PIKFYVE: variants seen among roughly 807,000 people sequenced by gnomAD.
PIKFYVE encodes the protein 1-phosphatidylinositol 3-phosphate 5-kinase.
A neutral mutation model predicts 257.9 loss-of-function variants in PIKFYVE; 122 were observed. The ratio of observed to expected loss-of-function variants is 0.47; its 90% CI spans 0.41 to 0.55. The LOEUF is 0.55. PIKFYVE is among the 20% of genes least tolerant of loss of function. PIKFYVE has a pLI of 0.00. For missense variants in PIKFYVE, 2,160 were observed against 2,536.6 expected (o/e 0.85, Z 3.19); for synonymous variants, 892 against 868.9 (o/e 1.03, Z -0.47).
At chr2:208,269,444 T>A in intron 1 of PIKFYVE, 1 of 244,882 alleles carries the variant, frequency 4.1e-6, no homozygotes, top group Non-Finnish European at 8.6e-6. Flanking sequence ...CCTCCCAGGG[T>A]GGTGAGGACT....
Position 208,320,276 on chromosome 2 carries a change from A to G in PIKFYVE, c.2107A>G (p.Lys703Glu). 1 of 1,611,664 alleles carries G rather than the reference A, an allele frequency of 6.2e-7. No individual in the cohort carries two copies. The highest frequency in any genetic ancestry group is 1.7e-5 in the Admixed American group (1 of 59,898). The change falls in exon 17 of 42, where the codon AAA (lysine) becomes GAA (glutamate). Residue 703 changes from lysine (K) to glutamate (E), a missense_variant. Around this residue, in one of 12 missense-constraint regions of PIKFYVE, gnomAD observed 346 missense variants for 365.6 expected, o/e 0.95. Transcript: ENST00000264380. ...GATGAGTTCTTGTATTAAAAACCCCAAAATTCTTCTGTTGAAGTGTTCCAT... is the reference window on the plus strand; with the variant it reads ...GATGAGTTCTTGTATTAAAAACCCCGAAATTCTTCTGTTGAAGTGTTCCAT... ...KKMSSCIKNP[K>E]ILLLKCSIEY...
chr2:208,330,541 A>G lies in PIKFYVE; in HGVS notation c.3810A>G (p.Pro1270=), dbSNP rs750996698. 2 of 1,614,176 alleles carry G rather than the reference A, an allele frequency of 1.2e-6. No individual in the cohort carries two copies. Among genetic ancestry groups the G allele is most frequent in the South Asian group, 2.2e-5 (2 of 91,082 alleles). The part of the protein sequence containing the change: ...RYCFRPSYQC[P]SMFCDTPMVH... Reference sequence around the variant, plus strand: ...GTCAAAGGCCTTCTTATCAGTGTCCAAGCATGTTCTGTGATACCCCCATGG... The same window carrying G: ...GTCAAAGGCCTTCTTATCAGTGTCCGAGCATGTTCTGTGATACCCCCATGG... The change falls in exon 23 of 42, where the codon CCA becomes CCG. Residue 1270 remains proline (P), a synonymous_variant. Transcript: ENST00000264380.
intron 28 of PIKFYVE, 108 bp from the exon 29 acceptor site, chr2:208,338,400 G>T (rs1304340519): frequency 1.0e-4 from 92 of 880,608 alleles, no homozygotes; most frequent in Non-Finnish European, 1.6e-4. Flanking sequence ...TTTTTTAACG[G>T]TATAAATGGG....
Position 208,320,324 on chromosome 2 carries a change from A to C in PIKFYVE, c.2155A>C (p.Thr719Pro), listed in dbSNP as rs1696066260. The C allele has an allele frequency of 6.2e-7, 1 of 1,612,302 alleles. No individual in the cohort carries two copies. Among genetic ancestry groups the C allele is most frequent in the Non-Finnish European group, 8.5e-7 (1 of 1,178,802 alleles). Residue 719 changes from threonine to proline, a missense_variant, in exon 17 of 42, where the codon ACT becomes CCT. Thr to Pro is a conservative substitution (Grantham distance 38). Coordinates refer to ENST00000264380, the MANE Select transcript of PIKFYVE (RefSeq NM_015040.4). ...CSIEYLYREE[T>P]KFTCIDPIVL... ...CATTGAGTATCTCTACAGAGAAGAA[A>C]CTAAGTTTACTTGCATTGATCCTAT...
chr2:208,304,179 A>C lies in PIKFYVE; in HGVS notation c.1329A>C (p.Glu443Asp). ...YALYRPLQST[E>D]FSETPSPDSD... The stretch of plus-strand genomic sequence containing the variant: ...TGTCTTCATCCTTTCAGAGTACAGA[A>C]TTTTCTGAGACGCCTTCTCCCGACA... The change falls in exon 11 of 42, where the codon GAA becomes GAC. Residue 443 changes from glutamate to aspartate, a missense_variant. Around this residue, in one of 12 missense-constraint regions of PIKFYVE, gnomAD observed 90 missense variants for 110.6 expected, o/e 0.81. Coordinates refer to ENST00000264380, the MANE Select transcript of PIKFYVE (RefSeq NM_015040.4). 1 of 1,614,100 alleles carries C rather than the reference A, an allele frequency of 6.2e-7. No homozygotes were observed. Among genetic ancestry groups the C allele is most frequent in the South Asian group, 1.1e-5 (1 of 91,082 alleles).
chr2:208,344,406 A>G (rs536838928), intron 32 of PIKFYVE, among the ~76,000 whole-genome samples: 10 of 152,278 alleles, frequency 6.6e-5, no homozygotes, highest in African/African-American at 2.4e-4. Flanking sequence ...ATAAGATTCC[A>G]TATGATAACA....
At chr2:208,338,679 T>G (rs1698410300) in intron 29 of PIKFYVE, 111 bp downstream of exon 29, 1 of 997,520 alleles carries the variant, frequency 1.0e-6, no homozygotes, top group Non-Finnish European at 1.6e-6. Context: ...GTTCATAGAC[T>G]TCTTTTCCTT....
intron 32 of PIKFYVE, among the ~76,000 whole-genome samples, chr2:208,344,204 C>T (rs1699013105): frequency 6.6e-6 from 1 of 152,112 alleles, no homozygotes; most frequent in South Asian, 2.1e-4. Context: ...CACTGGAAGG[C>T]ATTACAGTTT....
chr2:208,345,915 A>G, intron 33 of PIKFYVE, 135 bp from the exon 34 acceptor site: 1 of 660,020 alleles, frequency 1.5e-6, no homozygotes, highest in Non-Finnish European at 2.7e-6. Flanking sequence ...TAAATTATGA[A>G]TCAGACTTTT....
chr2:208,294,123 C>T (rs1692666532), intron 7 of PIKFYVE, among the ~76,000 whole-genome samples: 5 of 152,092 alleles, frequency 3.3e-5, no homozygotes, highest in Admixed American at 3.3e-4. Flanking sequence ...TTTCTATTTG[C>T]TTTTCAGTTT....
Position 208,339,570 on chromosome 2 carries a change from A to C in PIKFYVE, c.4810+15A>C, listed in dbSNP as rs1356689922. The C allele has an allele frequency of 6.2e-7, 1 of 1,613,924 alleles. No individual in the cohort carries two copies. The highest frequency in any genetic ancestry group is 1.1e-5 in the South Asian group (1 of 91,076). The stretch of plus-strand genomic sequence containing the variant: ...CAGTTCCGAAGGTAGAGGTTAAGTC[A>C]CTTTTACCATATTTCATTGTATCTA... On this transcript the variant is annotated intron_variant, in intron 30 of 41. Coordinates refer to ENST00000264380, the MANE Select transcript of PIKFYVE (RefSeq NM_015040.4).
At chr2:208,279,224 T>A (rs1023237537) in intron 5 of PIKFYVE, among the ~76,000 whole-genome samples, 4 of 152,208 alleles carry the variant, frequency 2.6e-5, no homozygotes, top group African/African-American at 9.6e-5. Flanking sequence ...TCTGTTCATG[T>A]CTTTTGCCCA....
At position 208,327,324 on chromosome 2, in the gene PIKFYVE, G is replaced by C. The variant is rs560419073; in HGVS notation, c.3619-856G>C. Reference sequence around the variant, plus strand: ...TTTACACATACATGTATATACCTTTGACCCAGGACTCCAACTTTTTATAAT... The same window carrying C: ...TTTACACATACATGTATATACCTTTCACCCAGGACTCCAACTTTTTATAAT... On this transcript the variant is annotated intron_variant, in intron 20 of 41. Transcript: ENST00000264380. 2.6e-5 allele frequency among the ~76,000 whole-genome samples: 4 copies of C among 152,128 alleles called. No individual in the cohort carries two copies. In the East Asian group the frequency reaches 7.7e-4, roughly 29 times the overall value.
intron 17 of PIKFYVE, among the ~76,000 whole-genome samples, chr2:208,322,715 A>C (rs1696404882): frequency 6.6e-6 from 1 of 151,252 alleles, no homozygotes; most frequent in Non-Finnish European, 1.5e-5. Context: ...TTTTTATTAC[A>C]CTTTAAGTTC....
In PIKFYVE at chr2:208,306,868, C is replaced by G. The variant is rs544365097; in HGVS notation, c.1636+1855C>G. Among the ~76,000 whole-genome samples the G allele has an allele frequency of 2.3e-3, 351 of 152,076 alleles. 1 individual carries two copies. Among genetic ancestry groups the G allele is most frequent in the African/African-American group, 8.1e-3 (334 of 41,448 alleles). ...TCTTGGCTCACTGCAACCTCCGCCT[C>G]GTGGGTTCAAGTGATTCTCCCACCT... is the stretch of plus-strand genomic sequence containing the variant. On this transcript the variant is annotated intron_variant, in intron 12 of 41. Transcript: ENST00000264380.
intron 24 of PIKFYVE, 91 bp downstream of exon 24, chr2:208,333,584 A>G (rs916862237): frequency 7.4e-7 from 1 of 1,360,286 alleles, no homozygotes; most frequent in African/African-American, 1.4e-5. Flanking sequence ...AGATTGAATT[A>G]ATTTGTGGGA....
At chr2:208,320,768 A>C (rs1044272811) in intron 17 of PIKFYVE, among the ~76,000 whole-genome samples, 1 of 152,220 alleles carries the variant, frequency 6.6e-6, no homozygotes, top group African/African-American at 2.4e-5. Context: ...TTGGTTTCTC[A>C]GTGGTTTTTC....
rs41295958 is a variant in PIKFYVE at position 208,357,483 on chromosome 2, C to A, written c.*2178C>A. ...TGTCCTGTTGATTTTGTTTTCCTTG[C>A]CCATGACTTGAACAACTGTGTTTTA... is the stretch of plus-strand genomic sequence containing the variant. On this transcript the variant is annotated 3_prime_UTR_variant, in exon 42 of 42. Coordinates refer to ENST00000264380, the MANE Select transcript of PIKFYVE (RefSeq NM_015040.4). The A allele has an allele frequency of 6.6e-6, 1 of 152,270 alleles. No individual in the cohort carries two copies. The highest frequency in any genetic ancestry group is 1.5e-5 in the Non-Finnish European group (1 of 68,018). The allele number at this position is 152,270 out of a possible 1,614,324, so 9.4% of individuals were successfully genotyped here.
intron 23 of PIKFYVE, among the ~76,000 whole-genome samples, chr2:208,331,752 T>C (rs2125641244): frequency 6.6e-6 from 1 of 152,298 alleles, no homozygotes; most frequent in East Asian, 1.9e-4. Flanking sequence ...ACGACCTACA[T>C]TAATCAGTGG....
Sources: allele counts gnomAD v4.1 joint callset (sites outside exome capture counted in the v4.1 genomes callset), GRCh38; gene constraint gnomAD v4.1.1; regional missense constraint gnomAD v4.1.1; transcripts MANE v1.5; gene names NCBI Gene and HGNC (gene_info 2026-07-23, HGNC 2026-07-21).